The following GSG1L variants were observed in gnomAD, a reference collection of about 807,000 sequenced individuals.
GSG1L encodes GSG1 like.
Under a neutral mutation model 42.1 loss-of-function variants are expected in GSG1L, and 24 were observed. The ratio of observed to expected loss-of-function variants is 0.57; its 90% confidence interval spans 0.41 to 0.80. GSG1L has a LOEUF of 0.80. Ranked by LOEUF, GSG1L falls within the 30% of genes least tolerant of loss-of-function variation. GSG1L has a pLI of 0.00. For synonymous variants in GSG1L, 215 were observed against 203.5 expected (o/e 1.06, Z -0.48); for missense variants, 445 against 472.2 (o/e 0.94, Z 0.53).
At chr16:27,817,195 G>A (rs2083104706) in intron 5 of GSG1L, among the ~76,000 whole-genome samples, 1 of 152,340 alleles carries the variant, frequency 6.6e-6, no homozygotes, top group Non-Finnish European at 1.5e-5. Context: ...ACAATAGCCA[G>A]GGGCGTTATC....
chr16:27,824,445 C>G (rs1423767981), intron 5 of GSG1L, among the ~76,000 whole-genome samples: 1 of 151,892 alleles, frequency 6.6e-6, no homozygotes, highest in Non-Finnish European at 1.5e-5. Flanking sequence ...GGCTGCGGCT[C>G]CAAGGATGCT....
At chr16:27,858,561 G>A (rs373398215) in intron 3 of GSG1L, among the ~76,000 whole-genome samples, 1 of 152,164 alleles carries the variant, frequency 6.6e-6, no homozygotes, top group African/African-American at 2.4e-5. Flanking sequence ...CTGTCTTCAT[G>A]GTTTAGGAAA....
At chr16:27,909,720 C>A (rs2084361959) in intron 2 of GSG1L, among the ~76,000 whole-genome samples, 1 of 146,520 alleles carries the variant, frequency 6.8e-6, no homozygotes, top group Admixed American at 7.0e-5. Flanking sequence ...TATCTCACAG[C>A]AGTCCCGACC....
chr16:27,889,236 C>T (rs549372783), intron 2 of GSG1L, among the ~76,000 whole-genome samples: 14 of 152,236 alleles, frequency 9.2e-5, no homozygotes, highest in South Asian at 4.2e-4. Context: ...GTGATCCTCC[C>T]GCCTCGGCCT....
intron 2 of GSG1L, among the ~76,000 whole-genome samples, chr16:27,925,339 G>A (rs2084578017): frequency 6.6e-6 from 1 of 152,146 alleles, no homozygotes; most frequent in Admixed American, 6.5e-5. Flanking sequence ...TAAGTTGTGG[G>A]GCATTTTCCA....
rs1408254460 is a variant in GSG1L, at chr16:28,062,363, T to G, written c.349+713A>C. On this transcript the variant is annotated intron_variant, in intron 1 of 6. Coordinates refer to ENST00000447459, the MANE Select transcript of GSG1L (RefSeq NM_001109763.2). Reference sequence around the variant, plus strand: ...CCCACCGAACCTAATAGGAGCCTTGTGCTAAGCTAAGCCCTCCTGGACTCC... The same window carrying G: ...CCCACCGAACCTAATAGGAGCCTTGGGCTAAGCTAAGCCCTCCTGGACTCC... 2.6e-5 allele frequency among the ~76,000 whole-genome samples: 4 copies of G among 152,156 alleles called. No homozygotes were observed. In the East Asian group the frequency reaches 5.8e-4, roughly 22 times the overall value.
intron 1 of GSG1L, among the ~76,000 whole-genome samples, chr16:28,056,298 A>G (rs963181287): frequency 6.6e-6 from 1 of 152,186 alleles, no homozygotes; most frequent in Admixed American, 6.5e-5. Context: ...CCATAAAAAA[A>G]TGATGAGTTC....
intron 2 of GSG1L, among the ~76,000 whole-genome samples, chr16:27,935,156 A>C (rs1304732597): frequency 6.6e-6 from 1 of 152,134 alleles, no homozygotes; most frequent in Non-Finnish European, 1.5e-5. Flanking sequence ...GGAGCCCATT[A>C]TGGGGAGCAG....
chr16:27,990,060 C>G (rs2085438323), intron 1 of GSG1L, among the ~76,000 whole-genome samples: 1 of 152,108 alleles, frequency 6.6e-6, no homozygotes, highest in Admixed American at 6.6e-5. Context: ...GTCCAGGGCT[C>G]TTAATTAGCT....
intron 2 of GSG1L, among the ~76,000 whole-genome samples, chr16:27,901,426 C>T (rs1403415722): frequency 6.6e-6 from 1 of 152,182 alleles, no homozygotes; most frequent in Non-Finnish European, 1.5e-5. Flanking sequence ...GATCCTGCCA[C>T]CTCAGTTCTT....
intron 3 of GSG1L, among the ~76,000 whole-genome samples, chr16:27,882,017 A>G (rs1709773): frequency 0.63 from 95,410 of 151,910 alleles, 30,556 homozygotes; most frequent in Admixed American, 0.75. Context: ...CCCTGATGTG[A>G]TTTGGCTGTG....
chr16:27,791,422 T>C lies in GSG1L; in HGVS notation c.944A>G (p.Gln315Arg). ...CTGTCGGTTCAGCTCTGGTGCTTCC[T>C]GTGCGGAGCTCCGGGGCCAGGAATC... ...MADSWPRSSA[Q>R]EAPELNRQCW... Residue 315 changes from glutamine to arginine, a missense_variant, in exon 7 of 7, where the codon CAG becomes CGG. This residue lies in a region of GSG1L where 140 missense variants were observed against 120.6 expected (regional missense o/e 1.16). Coordinates refer to ENST00000447459, the MANE Select transcript of GSG1L (RefSeq NM_001109763.2). 1 of 1,528,880 alleles carries C rather than the reference T, an allele frequency of 6.5e-7. No individual in the cohort carries two copies. Among genetic ancestry groups the C allele is most frequent in the Non-Finnish European group, 8.8e-7 (1 of 1,133,506 alleles). The allele number at this position is 1,528,880 out of a possible 1,614,324, so 94.7% of individuals were successfully genotyped here. A position where few individuals can be genotyped will look rare whatever the true frequency, so the allele number is the denominator to read the frequency against.
chr16:27,910,889 T>C (rs1287394864), intron 2 of GSG1L, among the ~76,000 whole-genome samples: 1 of 152,112 alleles, frequency 6.6e-6, no homozygotes, highest in Non-Finnish European at 1.5e-5. Context: ...GGCATGCACT[T>C]GTGCCATGTA....
intron 1 of GSG1L, among the ~76,000 whole-genome samples, chr16:28,056,473 G>A (rs1319286706): frequency 9.1e-5 from 10 of 109,664 alleles, no homozygotes; most frequent in Non-Finnish European, 1.4e-4. Flanking sequence ...CTGCTGTTGG[G>A]TGGGGGGAGG....
Position 27,844,993 on chromosome 16 carries a change from C to T in GSG1L, c.619G>A (p.Glu207Lys), listed in dbSNP as rs1423623968. Reference sequence around the variant, plus strand: ...TCCCAGGAATGGGGTCTCCAGTCCTCAGGACCGAGGCTCACGGTGACCTGG... The same window carrying T: ...TCCCAGGAATGGGGTCTCCAGTCCTTAGGACCGAGGCTCACGGTGACCTGG... The part of the protein sequence containing the change: ...VFQVTVSLGP[E>K]DWRPHSWDYG... The change falls in exon 4 of 7, where the codon GAG (glutamate) becomes AAG (lysine). Residue 207 changes from glutamate to lysine, a missense_variant. Glu to Lys is a moderately conservative substitution (Grantham distance 56). Transcript: ENST00000447459. 5 of 1,613,780 alleles carry T rather than the reference C, an allele frequency of 3.1e-6. No individual in the cohort carries two copies. The highest frequency in any genetic ancestry group is 1.3e-5 in the African/African-American group (1 of 74,934).
At chr16:27,964,844 T>C (rs908169901) in intron 1 of GSG1L, among the ~76,000 whole-genome samples, 1 of 152,028 alleles carries the variant, frequency 6.6e-6, no homozygotes, top group Non-Finnish European at 1.5e-5. Flanking sequence ...TTAGAAAGAA[T>C]GAATAAGACC....
intron 6 of GSG1L, among the ~76,000 whole-genome samples, chr16:27,795,873 AC>A (rs1374003855): frequency 6.6e-6 from 1 of 152,022 alleles, no homozygotes; most frequent in African/African-American, 2.4e-5. Context: ...ACTGTCTTGA[AC>A]CCTCTCTAAG....
intron 3 of GSG1L, chr16:27,850,401 A>T (rs1332607989): frequency 2.4e-6 from 1 of 417,056 alleles, no homozygotes; most frequent in Non-Finnish European, 4.8e-6. Context: ...TTCAAGGAGT[A>T]GTCAGAACCG....
At chr16:27,808,151 C>T (rs907470744) in intron 5 of GSG1L, among the ~76,000 whole-genome samples, 1 of 152,048 alleles carries the variant, frequency 6.6e-6, no homozygotes, top group Non-Finnish European at 1.5e-5. Context: ...GTAGCACAAT[C>T]GGAGCTTGCT....
Sources: gnomAD v4.1 joint callset for allele counts (sites outside exome capture counted in the v4.1 genomes callset) on GRCh38, gnomAD v4.1.1 for gene constraint, gnomAD v4.1.1 regional missense constraint, MANE v1.5 for transcripts, NCBI Gene and HGNC (gene_info 2026-07-23, HGNC 2026-07-21) for gene names.